The following EFHD2 variants were observed in gnomAD, a reference collection of about 807,000 sequenced individuals.
The protein encoded by EFHD2 is EF-hand domain family member D2.
In EFHD2, 12 loss-of-function variants were observed where a neutral mutation model predicts 20.3. That is an observed-to-expected ratio of 0.59 (90% CI 0.38 to 0.96). The LOEUF (loss-of-function observed/expected upper bound fraction) is 0.96, where lower values mean the gene tolerates loss of function less well. Among genes scored for constraint, EFHD2 ranks in the 40% least tolerant of loss-of-function variants. The probability of loss-of-function intolerance (pLI) is 0.00; values close to 1 mark genes in which losing one functional copy is unlikely to be tolerated. For synonymous variants in EFHD2, 131 were observed against 143.9 expected (o/e 0.91, Z 0.64); for missense variants, 250 against 334.3 (o/e 0.75, Z 1.97).
chr1:15,422,545 G>A (rs920185100), intron 1 of EFHD2, among the ~76,000 whole-genome samples: 1 of 152,016 alleles, frequency 6.6e-6, no homozygotes, highest in Non-Finnish European at 1.5e-5. Context: ...CTCCTGGGGG[G>A]CACATGCACC....
intron 3 of EFHD2, among the ~76,000 whole-genome samples, chr1:15,428,379 C>A (rs1195828782): frequency 6.6e-6 from 1 of 152,222 alleles, no homozygotes; most frequent in Non-Finnish European, 1.5e-5. Context: ...CACCCATAAT[C>A]CCAGCTACTC....
Position 15,428,708 on chromosome 1 carries a change from A to T in EFHD2, c.707A>T (p.Gln236Leu). ...KQRKAAFKEL[Q>L]STFK ...CGGAAAGCGGCCTTCAAGGAGCTGC[A>T]GTCCACCTTTAAGTAGCGGGGGCTG... The change falls in exon 4 of 4, where the codon CAG becomes CTG. Residue 236 changes from glutamine to leucine, a missense_variant. Gln to Leu is a moderately radical substitution (Grantham distance 113). Transcript: ENST00000375980. 1 of 1,592,714 alleles carries T rather than the reference A, an allele frequency of 6.3e-7. No individual in the cohort carries two copies. Among genetic ancestry groups the T allele is most frequent in the Non-Finnish European group, 8.5e-7 (1 of 1,170,556 alleles).
intron 1 of EFHD2, among the ~76,000 whole-genome samples, chr1:15,419,595 G>C (rs1421521296): frequency 1.3e-5 from 2 of 152,188 alleles, no homozygotes; most frequent in Admixed American, 6.5e-5. Flanking sequence ...GTGTGACCCT[G>C]GGCCAGTCAC....
chr1:15,411,328 G>A (rs531202041), intron 1 of EFHD2, among the ~76,000 whole-genome samples: 12 of 151,834 alleles, frequency 7.9e-5, no homozygotes, highest in Admixed American at 2.6e-4. Flanking sequence ...CACACTGTGT[G>A]CCCTCACCAG....
In EFHD2 at chr1:15,428,870, G is replaced by A. The variant is rs914994242; in HGVS notation, c.*146G>A. 9 of 1,276,208 alleles carry A rather than the reference G, an allele frequency of 7.1e-6. No individual in the cohort carries two copies. Among genetic ancestry groups the A allele is most frequent in the African/African-American group, 3.0e-5 (2 of 66,960 alleles). 79.1% of individuals were successfully genotyped at this position (1,276,208 alleles called of 1,614,324 possible). On this transcript the variant is annotated 3_prime_UTR_variant, in exon 4 of 4. Coordinates refer to ENST00000375980, the MANE Select transcript of EFHD2 (RefSeq NM_024329.6). The stretch of plus-strand genomic sequence containing the variant: ...ATCTGTGAATGGAGCAAGTTCAGGG[G>A]TCTTATGGAGGTGGCCCGGCCCCTC...
chr1:15,418,618 A>C (rs1254425405), intron 1 of EFHD2, among the ~76,000 whole-genome samples: 1 of 145,078 alleles, frequency 6.9e-6, no homozygotes, highest in Non-Finnish European at 1.5e-5. Flanking sequence ...ACTTTCTAAT[A>C]GTTCCAAAGC....
chr1:15,427,125 C>T (rs750955719), intron 2 of EFHD2, 25 bp from the exon 3 acceptor site: 5 of 1,607,958 alleles, frequency 3.1e-6, no homozygotes, highest in Admixed American at 1.7e-5. Context: ...CTTCCTGACA[C>T]CGCGCGCCTC....
rs1271622257 is a variant in EFHD2 at position 15,413,785 on chromosome 1, G to A, written c.308+3506G>A. Among the ~76,000 whole-genome samples, 11 of 152,206 alleles carry A rather than the reference G, an allele frequency of 7.2e-5. No individual in the cohort carries two copies. Among genetic ancestry groups the A allele is most frequent in the Admixed American group, 1.3e-4 (2 of 15,284 alleles). ...GAGGAGAGTGGTCCCGGTGTCTCAG[G>A]GTGGGGCTCCGAGGACATGACACAC... is the stretch of plus-strand genomic sequence containing the variant. On this transcript the variant is annotated intron_variant, in intron 1 of 3. Coordinates refer to ENST00000375980, the MANE Select transcript of EFHD2 (RefSeq NM_024329.6). The surrounding 1 kb of genome is among the most constrained non-coding windows in gnomAD (Gnocchi z 4.4).
At chr1:15,415,876 C>T (rs1262463974) in intron 1 of EFHD2, among the ~76,000 whole-genome samples, 1 of 152,114 alleles carries the variant, frequency 6.6e-6, no homozygotes, top group Non-Finnish European at 1.5e-5. Flanking sequence ...TATTAAGTGG[C>T]AGTGACAGGA....
In EFHD2 at chr1:15,427,287, G is replaced by T; in HGVS notation, c.591+3G>T. 6.2e-7 allele frequency: 1 copy of T among 1,604,426 alleles called. No homozygotes were observed. Among genetic ancestry groups the T allele is most frequent in the East Asian group, 2.2e-5 (1 of 44,564 alleles). On this transcript the variant is annotated splice_donor_region_variant and intron_variant, in intron 3 of 3. Transcript: ENST00000375980. The stretch of plus-strand genomic sequence containing the variant: ...CCAAGAGCTTCTTTGAGGCCAAGGT[G>T]AGGAGCCCAAGGGGTGCCCTGACCC...
intron 1 of EFHD2, among the ~76,000 whole-genome samples, chr1:15,416,023 G>C (rs1057463025): frequency 1.3e-5 from 2 of 152,032 alleles, no homozygotes; most frequent in Non-Finnish European, 2.9e-5. Flanking sequence ...GGGTCAGTGG[G>C]TGGGGAGAAT....
At chr1:15,410,801 C>T (rs1220881360) in intron 1 of EFHD2, among the ~76,000 whole-genome samples, 1 of 151,656 alleles carries the variant, frequency 6.6e-6, no homozygotes, top group African/African-American at 2.4e-5. Flanking sequence ...CACCACATGC[C>T]AACCACATTC....
chr1:15,417,734 G>C (rs1174829972), intron 1 of EFHD2, among the ~76,000 whole-genome samples: 1 of 152,196 alleles, frequency 6.6e-6, no homozygotes, highest in Non-Finnish European at 1.5e-5. Context: ...GGGAAGCCAG[G>C]GGGGCCTGAG....
intron 1 of EFHD2, among the ~76,000 whole-genome samples, chr1:15,425,202 G>A (rs1030802410): frequency 2.6e-5 from 4 of 152,122 alleles, no homozygotes; most frequent in Non-Finnish European, 5.9e-5. Flanking sequence ...GCTCAGCTCA[G>A]AGCCTGATCC....
intron 3 of EFHD2, 26 bp from the exon 4 acceptor site, chr1:15,428,567 A>C (rs1570773348): frequency 6.2e-7 from 1 of 1,606,950 alleles, no homozygotes; most frequent in Non-Finnish European, 8.5e-7. Context: ...TCCAGCCCTG[A>C]CCCCCTCACC....
chr1:15,418,444 T>C (rs547335988), intron 1 of EFHD2, among the ~76,000 whole-genome samples: 5 of 151,294 alleles, frequency 3.3e-5, no homozygotes, highest in South Asian at 4.2e-4. Context: ...TAGCTGGGAC[T>C]ACAGGCGCCC....
intron 1 of EFHD2, among the ~76,000 whole-genome samples, chr1:15,411,132 C>A (rs1380041159): frequency 4.0e-5 from 6 of 150,280 alleles, no homozygotes; most frequent in Non-Finnish European, 8.9e-5. Flanking sequence ...CCCGTGCACC[C>A]AGCAGCTTGC....
chr1:15,419,943 C>A (rs1431817233), intron 1 of EFHD2, among the ~76,000 whole-genome samples: 1 of 152,202 alleles, frequency 6.6e-6, no homozygotes, highest in Admixed American at 6.5e-5. Flanking sequence ...CTCTGTCCAG[C>A]GGTCTTCTGT....
At chr1:15,416,556 G>A (rs1408061773) in intron 1 of EFHD2, among the ~76,000 whole-genome samples, 2 of 152,184 alleles carry the variant, frequency 1.3e-5, no homozygotes, top group Admixed American at 6.5e-5. Context: ...TTTGCCTCCC[G>A]TTCAGTCCTT....
Sources: gnomAD v4.1 joint callset for allele counts (sites outside exome capture counted in the v4.1 genomes callset) on GRCh38, gnomAD v4.1.1 for gene constraint, Gnocchi (gnomAD v3.1) non-coding constraint, MANE v1.5 for transcripts, NCBI Gene and HGNC (gene_info 2026-07-23, HGNC 2026-07-21) for gene names.